Variants in CSMD1 observed in about 807,000 individuals in gnomAD.
CSMD1 encodes the protein CUB and Sushi multiple domains 1, also known as CUB and sushi domain-containing protein 1.
A neutral mutation model predicts 417.5 loss-of-function variants in CSMD1; 213 were observed. The ratio of observed to expected loss-of-function variants is 0.51; its 90% confidence interval spans 0.46 to 0.57. The LOEUF (loss-of-function observed/expected upper bound fraction) is 0.57, where lower values mean the gene tolerates loss of function less well. Among genes scored for constraint, CSMD1 ranks in the 20% least tolerant of loss-of-function variants. The pLI, the probability that CSMD1 is intolerant of heterozygous loss-of-function variation, is 0.00. For synonymous variants in CSMD1, 2,862 were observed against 1,736.8 expected, an observed-to-expected ratio of 1.65 and a Z score of -16.11; for missense variants, 6,923 against 4,529.7, an observed-to-expected ratio of 1.53 and a Z score of -15.17.
chr8:3,314,298 T>C (rs1001642851), intron 23 of CSMD1, among the ~76,000 whole-genome samples: 1 of 152,220 alleles, frequency 6.6e-6, no homozygotes, highest in Middle Eastern at 3.2e-3. Context: ...TGTTTAATTC[T>C]ACAAAGATAT....
intron 1 of CSMD1, among the ~76,000 whole-genome samples, chr8:4,969,954 C>T (rs1402120481): frequency 2.0e-5 from 3 of 151,988 alleles, no homozygotes; most frequent in Non-Finnish European, 4.4e-5. Flanking sequence ...AAACATGAAA[C>T]ATTTGTGTAT....
intron 2 of CSMD1, among the ~76,000 whole-genome samples, chr8:4,484,597 G>T (rs770985485): frequency 6.6e-6 from 1 of 152,126 alleles, no homozygotes; most frequent in Non-Finnish European, 1.5e-5. Context: ...TATCAACTTG[G>T]AGGGCTGACG....
chr8:3,631,271 C>G (rs1052770097), intron 7 of CSMD1, among the ~76,000 whole-genome samples: 2 of 152,210 alleles, frequency 1.3e-5, no homozygotes, highest in African/African-American at 4.8e-5. Context: ...AGCACCCTTC[C>G]AACTATCATG....
intron 10 of CSMD1, among the ~76,000 whole-genome samples, chr8:3,522,942 C>T (rs1176078942): frequency 1.3e-5 from 2 of 149,202 alleles, no homozygotes; most frequent in East Asian, 3.9e-4. Context: ...TATATATTGA[C>T]AAATATTTAA....
chr8:3,932,453 C>T (rs987502231), intron 5 of CSMD1, among the ~76,000 whole-genome samples: 1 of 150,232 alleles, frequency 6.7e-6, no homozygotes, highest in Non-Finnish European at 1.5e-5. Flanking sequence ...CCAGCCTCAG[C>T]ACGGTAATAA....
rs76448467 is a variant in CSMD1 at position 4,403,560 on chromosome 8, C to G, written c.415+16393G>C. On this transcript the variant is annotated intron_variant, in intron 3 of 69. Transcript: ENST00000635120. ...GCCAGGGCTGATCACCTCTTCCTTC[C>G]TGAAAGGCTTGAGTTGACTTCTAGG... Among the ~76,000 whole-genome samples the G allele has an allele frequency of 5.0e-3, 761 of 152,266 alleles. 25 individuals carry two copies. The East Asian group carries it at 0.076, about 15-fold the overall frequency.
At chr8:4,273,327 G>C (rs1386986116) in intron 3 of CSMD1, among the ~76,000 whole-genome samples, 2 of 152,132 alleles carry the variant, frequency 1.3e-5, no homozygotes, top group Non-Finnish European at 2.9e-5. Context: ...CAAAAGTCAT[G>C]AAAGTGCTAT....
intron 3 of CSMD1, among the ~76,000 whole-genome samples, chr8:4,100,418 G>A (rs1294324773): frequency 2.6e-5 from 4 of 152,082 alleles, no homozygotes; most frequent in Non-Finnish European, 5.9e-5. Context: ...CTACTCTGTA[G>A]CCCGTTCAAA....
At chr8:3,793,998 C>G (rs953326152) in intron 5 of CSMD1, among the ~76,000 whole-genome samples, 1 of 152,140 alleles carries the variant, frequency 6.6e-6, no homozygotes, top group Admixed American at 6.5e-5. Flanking sequence ...CTTCCTGAAC[C>G]CCTGCTTATC....
chr8:4,086,539 G>T (rs535417434), intron 3 of CSMD1, among the ~76,000 whole-genome samples: 1 of 152,238 alleles, frequency 6.6e-6, no homozygotes, highest in Non-Finnish European at 1.5e-5. Flanking sequence ...AATTTGTCAA[G>T]CTCTTAAAAT....
intron 1 of CSMD1, among the ~76,000 whole-genome samples, chr8:4,887,786 A>C (rs944492926): frequency 1.3e-5 from 2 of 151,716 alleles, no homozygotes; most frequent in Middle Eastern, 3.4e-3. Context: ...TAAATGTCTC[A>C]CTTCGTTTCT....
intron 5 of CSMD1, among the ~76,000 whole-genome samples, chr8:3,921,642 C>A (rs1809273890): frequency 6.6e-6 from 1 of 151,984 alleles, no homozygotes; most frequent in Admixed American, 6.6e-5. Flanking sequence ...TTTCTTCCTT[C>A]CCCCATTAGT....
At chr8:3,813,014 A>G (rs1003677549) in intron 5 of CSMD1, among the ~76,000 whole-genome samples, 4 of 152,062 alleles carry the variant, frequency 2.6e-5, no homozygotes, top group East Asian at 1.9e-4. Flanking sequence ...AGATTACTTA[A>G]TGGTATATTG....
Position 4,402,155 on chromosome 8 carries a change from G to C in CSMD1, c.415+17798C>G, listed in dbSNP as rs560553609. ...TAATTAGTCATATGGTCAGAGACCA[G>C]CCCTAATACCAACCACATCTACTTC... On this transcript the variant is annotated intron_variant, in intron 3 of 69. Transcript: ENST00000635120. Among the ~76,000 whole-genome samples, 184 of 152,172 alleles carry C rather than the reference G, an allele frequency of 1.2e-3. 1 individual carries two copies. The highest frequency in any genetic ancestry group is 2.2e-3 in the Non-Finnish European group (152 of 68,010).
chr8:4,401,737 C>G (rs994974262), intron 3 of CSMD1, among the ~76,000 whole-genome samples: 3 of 152,128 alleles, frequency 2.0e-5, no homozygotes, highest in South Asian at 4.1e-4. Flanking sequence ...AACATTCCAC[C>G]TGAAGCTGGC....
intron 54 of CSMD1, among the ~76,000 whole-genome samples, chr8:2,987,236 G>T (rs780881028): frequency 5.3e-5 from 8 of 151,732 alleles, no homozygotes; most frequent in Non-Finnish European, 8.8e-5. Context: ...AATTAAAGAG[G>T]CATTAATTTT....
chr8:3,722,752 G>C (rs1024023876), intron 6 of CSMD1, among the ~76,000 whole-genome samples: 4 of 152,190 alleles, frequency 2.6e-5, no homozygotes, highest in African/African-American at 7.2e-5. Context: ...TCTAATATTA[G>C]CATTAATGCT....
intron 3 of CSMD1, among the ~76,000 whole-genome samples, chr8:4,178,810 G>C (rs1313607982): frequency 6.6e-6 from 1 of 152,122 alleles, no homozygotes; most frequent in Non-Finnish European, 1.5e-5. Context: ...CAAATCAGGA[G>C]TGAACTCCCA....
chr8:4,693,061 C>A (rs2724966), intron 1 of CSMD1, among the ~76,000 whole-genome samples: 81,634 of 151,498 alleles, frequency 0.54, 22,202 homozygotes, highest in Admixed American at 0.65. Context: ...GTGATACTGA[C>A]TACACTACAC....
Sources: gnomAD v4.1 joint callset for allele counts (sites outside exome capture counted in the v4.1 genomes callset) on GRCh38, gnomAD v4.1.1 for gene constraint, MANE v1.5 for transcripts, NCBI Gene and HGNC (gene_info 2026-07-23, HGNC 2026-07-21) for gene names.